Variants in MROH1 observed in about 807,000 individuals in gnomAD.
MROH1 encodes the protein maestro heat-like repeat-containing protein family member 1.
A neutral mutation model predicts 116.5 loss-of-function variants in MROH1; 117 were observed. The observed-to-expected ratio is 1.00, with a 90% CI of 0.86 to 1.17. The LOEUF is 1.17. Ranked by LOEUF, MROH1 falls within the 50% of genes most tolerant of loss-of-function variation. MROH1 has a pLI of 0.00. For synonymous variants in MROH1, 921 were observed against 583.9 expected, an observed-to-expected ratio of 1.58 and a Z score of -8.32; for missense variants, 1,873 against 1,338.5, an observed-to-expected ratio of 1.40 and a Z score of -6.23.
rs62530344 is a variant in MROH1, at chr8:144,168,519, C to T, written c.168+79C>T. The T allele has an allele frequency of 5.5e-3, 8,290 of 1,510,000 alleles. 44 individuals carry two copies. Among genetic ancestry groups the T allele is most frequent in the Middle Eastern group, 0.017 (97 of 5,658 alleles). The allele number at this position is 1,510,000 out of a possible 1,614,324, so 93.5% of individuals were successfully genotyped here. A position where few individuals can be genotyped will look rare whatever the true frequency, so the allele number is the denominator to read the frequency against. On this transcript the variant is annotated intron_variant, in intron 4 of 43. Coordinates refer to ENST00000326134, the MANE Select transcript of MROH1 (RefSeq NM_032450.3). Reference sequence around the variant, plus strand: ...CTTACTTGGTTTGGGAAGAGACAGTCCAGCCAGGAGCAGTGGGTCGGGTGT... The same window carrying T: ...CTTACTTGGTTTGGGAAGAGACAGTTCAGCCAGGAGCAGTGGGTCGGGTGT...
At chr8:144,178,156 CAG>C (rs769256964) in intron 4 of MROH1, among the ~76,000 whole-genome samples, 123 of 127,124 alleles carry the variant, frequency 9.7e-4, no homozygotes, top group South Asian at 2.4e-3. Context: ...TTTTTTGAGA[CAG>C]AGTCTTGCTC....
chr8:144,161,333 A>G (rs926372991), intron 2 of MROH1, among the ~76,000 whole-genome samples: 1 of 152,152 alleles, frequency 6.6e-6, no homozygotes, highest in Non-Finnish European at 1.5e-5. Flanking sequence ...CTTTGGGGCT[A>G]TTATTCTGCT....
At chr8:144,241,313 C>A (rs1840941377) in intron 21 of MROH1, 82 bp from the exon 22 acceptor site, 1 of 710,808 alleles carries the variant, frequency 1.4e-6, no homozygotes, top group Non-Finnish European at 2.6e-6. Flanking sequence ...TGTGGGTGTG[C>A]CCGTGTCCAC....
rs373545546 is a variant in MROH1, at chr8:144,190,679, C to A, written c.563-105C>A. 164 of 1,412,140 alleles carry A rather than the reference C, an allele frequency of 1.2e-4. No homozygotes were observed. In the African/African-American group the frequency reaches 2.1e-3, roughly 18 times the overall value. 87.5% of individuals were successfully genotyped at this position (1,412,140 alleles called of 1,614,324 possible). Reference sequence around the variant, plus strand: ...TTGGCTGGTGTTCTAGGGAGGGCATCTTGCAGGCCGTGGGATTTCTGGAAG... The same window carrying A: ...TTGGCTGGTGTTCTAGGGAGGGCATATTGCAGGCCGTGGGATTTCTGGAAG... On this transcript the variant is annotated intron_variant, in intron 7 of 43. Transcript: ENST00000326134.
At chr8:144,164,407 C>CAAA (rs202061294) in intron 3 of MROH1, among the ~76,000 whole-genome samples, 3 of 93,676 alleles carry the variant, frequency 3.2e-5, no homozygotes, top group Non-Finnish European at 4.6e-5. Flanking sequence ...TCGGTCCCCC[C>CAAA]AAAAAAAAAA....
In MROH1 at chr8:144,255,559, G is replaced by A. The variant is rs1054683784; in HGVS notation, c.3645G>A (p.Ala1215=). Residue 1215 remains alanine, a synonymous_variant, in exon 35 of 44, where the codon GCG becomes GCA. Coordinates refer to ENST00000326134, the MANE Select transcript of MROH1 (RefSeq NM_032450.3). The part of the protein sequence containing the change: ...EVMSTPAAGP[A]VLELYPQLFV... The stretch of plus-strand genomic sequence containing the variant: ...TGTCCACGCCTGCAGCGGGGCCCGC[G>A]GTGCTCGAGCTCTACCCCCAGCTGT... 45 of 779,378 alleles carry A rather than the reference G, an allele frequency of 5.8e-5. No homozygotes were observed. Among genetic ancestry groups the A allele is most frequent in the African/African-American group, 4.1e-4 (24 of 59,240 alleles). The allele number at this position is 779,378 out of a possible 1,614,324, so 48.3% of individuals were successfully genotyped here. A position where few individuals can be genotyped will look rare whatever the true frequency, so the allele number is the denominator to read the frequency against.
At position 144,247,423 on chromosome 8, in the gene MROH1, G is replaced by A. The variant is rs1842089223; in HGVS notation, c.2994G>A (p.Gln998=). 2 of 770,888 alleles carry A rather than the reference G, an allele frequency of 2.6e-6. No homozygotes were observed. Among genetic ancestry groups the A allele is most frequent in the Non-Finnish European group, 2.4e-6 (1 of 413,442 alleles). 47.8% of individuals were successfully genotyped at this position (770,888 alleles called of 1,614,324 possible). Residue 998 remains glutamine (Q), a synonymous_variant, in exon 30 of 44, where the codon CAG becomes CAA. Coordinates refer to ENST00000326134, the MANE Select transcript of MROH1 (RefSeq NM_032450.3). ...VDCVYSLLYL[Q]LGYEGFSRDY... ...GTGTCTACTCCCTGCTGTACCTCCAGCTCGGCTATGAGGGTGAGCCCTCGT... is the reference window on the plus strand; with the variant it reads ...GTGTCTACTCCCTGCTGTACCTCCAACTCGGCTATGAGGGTGAGCCCTCGT...
intron 7 of MROH1, among the ~76,000 whole-genome samples, chr8:144,189,456 C>T (rs1410362287): frequency 2.6e-5 from 4 of 152,196 alleles, no homozygotes; most frequent in African/African-American, 4.8e-5. Context: ...CACCTGAGTT[C>T]GGCCCATGTC....
chr8:144,218,513 C>G (rs1372526744), intron 12 of MROH1, among the ~76,000 whole-genome samples: 3 of 151,692 alleles, frequency 2.0e-5, no homozygotes, highest in Non-Finnish European at 4.4e-5. Context: ...GTTGATGAGT[C>G]TTGTTCTCAT....
intron 22 of MROH1, among the ~76,000 whole-genome samples, chr8:144,241,851 G>A (rs1314059333): frequency 6.6e-6 from 1 of 152,236 alleles, no homozygotes; most frequent in Non-Finnish European, 1.5e-5. Context: ...TGCTGGCGGA[G>A]CCTAAGCCTG....
rs1291753617 is a variant in MROH1 at position 144,249,000 on chromosome 8, C to T, written c.3244C>T (p.Gln1082Ter). ...TACCGTCATGATCAACTGCCTGCTG[C>T]AGGAGCGGGGCGGTGTGCTCCAGGA... ...AATVMINCLL[Q>*]ERGGVLQEKV... The change falls in exon 32 of 44, where the codon CAG (glutamine) becomes TAG (stop). Residue 1082 changes from glutamine to a stop codon, truncating the protein, a stop_gained. Transcript: ENST00000326134. LOFTEE classifies it high-confidence loss of function. 2 of 721,376 alleles carry T rather than the reference C, an allele frequency of 2.8e-6. No individual in the cohort carries two copies. Among genetic ancestry groups the T allele is most frequent in the Admixed American group, 2.0e-5 (1 of 50,468 alleles). The allele number at this position is 721,376 out of a possible 1,614,324, so 44.7% of individuals were successfully genotyped here. A position where few individuals can be genotyped will look rare whatever the true frequency, so the allele number is the denominator to read the frequency against.
intron 14 of MROH1, among the ~76,000 whole-genome samples, chr8:144,233,997 G>T (rs1467413991): frequency 6.6e-6 from 1 of 152,160 alleles, no homozygotes; most frequent in Non-Finnish European, 1.5e-5. Flanking sequence ...TTGGGGAGTA[G>T]TTCCATCTTT....
chr8:144,163,837 C>T lies in MROH1; in HGVS notation c.11C>T (p.Ser4Phe). Residue 4 changes from serine (S) to phenylalanine (F), a missense_variant, in exon 3 of 44, where the codon TCC (serine) becomes TTC (phenylalanine). Coordinates refer to ENST00000326134, the MANE Select transcript of MROH1 (RefSeq NM_032450.3). The surrounding 1 kb of genome is among the most constrained non-coding windows in gnomAD (Gnocchi z 4.4). MTE[S>F]SMKKLASTLL... ...GCTGAAACCACAGACATGACTGAGT[C>T]CTCCATGAAGAGTGAGTGCATGGGG... 2.5e-6 allele frequency: 4 copies of T among 1,613,450 alleles called. No homozygotes were observed. Among genetic ancestry groups the T allele is most frequent in the Non-Finnish European group, 2.5e-6 (3 of 1,179,592 alleles).
At chr8:144,213,075 C>A (rs1475339828) in intron 12 of MROH1, 1 of 778,942 alleles carries the variant, frequency 1.3e-6, no homozygotes, top group Non-Finnish European at 2.4e-6. Context: ...GCACGTGCTG[C>A]TCCGCAGCCT....
intron 9 of MROH1, 144 bp from the exon 10 acceptor site, chr8:144,192,165 G>A (rs180894542): frequency 8.3e-6 from 6 of 721,614 alleles, no homozygotes; most frequent in Admixed American, 2.9e-5. Flanking sequence ...TAGACGAAAG[G>A]CCTCCTCATT....
At chr8:144,253,209 T>A (rs1420878775) in intron 33 of MROH1, among the ~76,000 whole-genome samples, 1 of 151,616 alleles carries the variant, frequency 6.6e-6, no homozygotes, top group Non-Finnish European at 1.5e-5. Context: ...CCCCGTGAGC[T>A]AAGGATGGGT....
intron 4 of MROH1, among the ~76,000 whole-genome samples, chr8:144,169,021 C>T (rs1402287277): frequency 6.6e-6 from 1 of 152,214 alleles, no homozygotes; most frequent in Non-Finnish European, 1.5e-5. Flanking sequence ...GATCCGAACC[C>T]TAGGACAGAC....
At position 144,240,114 on chromosome 8, in the gene MROH1, G is replaced by T. The variant is rs928539592; in HGVS notation, c.1788G>T (p.Glu596Asp). 3.4e-4 allele frequency: 262 copies of T among 778,708 alleles called. 1 individual carries two copies. In the East Asian group the frequency reaches 6.3e-3, roughly 19 times the overall value. The allele number at this position is 778,708 out of a possible 1,614,324, so 48.2% of individuals were successfully genotyped here. The change falls in exon 19 of 44, where the codon GAG (glutamate) becomes GAT (aspartate). Residue 596 changes from glutamate (E) to aspartate (D), a missense_variant. Glu to Asp is a conservative substitution (Grantham distance 45). Coordinates refer to ENST00000326134, the MANE Select transcript of MROH1 (RefSeq NM_032450.3). The stretch of plus-strand genomic sequence containing the variant: ...CTGTCGTTTCAGAGCACACAGAAGA[G>T]ACCCTGCCACAGGAGGAGTGGGAGG... The part of the protein sequence containing the change: ...LLGYLDEHTE[E>D]TLPQEEWEEK...
Position 144,258,860 on chromosome 8 carries a change from G to A in MROH1, c.3875G>A (p.Trp1292Ter). The part of the protein sequence containing the change: ...VVQRMDLEGG[W>*]ELLRTSAGHE... ...CAGCGCATGGACCTGGAGGGAGGCT[G>A]GGAACTGCTCAGGACCTCGGCGGGG... is the stretch of plus-strand genomic sequence containing the variant. The change falls in exon 36 of 44, where the codon TGG (tryptophan) becomes TAG (stop). Residue 1292 changes from tryptophan to a stop codon, truncating the protein, a stop_gained. Coordinates refer to ENST00000326134, the MANE Select transcript of MROH1 (RefSeq NM_032450.3). LOFTEE classifies it high-confidence loss of function. The A allele has an allele frequency of 1.3e-6, 1 of 769,874 alleles. No individual in the cohort carries two copies. The highest frequency in any genetic ancestry group is 2.4e-6 in the Non-Finnish European group (1 of 414,698). 47.7% of individuals were successfully genotyped at this position (769,874 alleles called of 1,614,324 possible).
Sources: gnomAD v4.1 joint callset for allele counts (sites outside exome capture counted in the v4.1 genomes callset) on GRCh38, gnomAD v4.1.1 for gene constraint, Gnocchi (gnomAD v3.1) non-coding constraint, MANE v1.5 for transcripts, NCBI Gene and HGNC (gene_info 2026-07-23, HGNC 2026-07-21) for gene names.